Variants in TMEM132B observed in about 807,000 individuals in gnomAD.
TMEM132B encodes transmembrane protein 132B.
TMEM132B carries 18 observed loss-of-function variants against 90.8 expected under a neutral mutation model. That is an observed-to-expected ratio of 0.20 (90% confidence interval 0.14 to 0.29). TMEM132B has a LOEUF of 0.29. TMEM132B is among the 10% of genes least tolerant of loss of function. The pLI, the probability that TMEM132B is intolerant of heterozygous loss-of-function variation, is 1.00. For synonymous variants in TMEM132B, 504 were observed against 523.3 expected (o/e 0.96, Z 0.50); for missense variants, 1,096 against 1,326.8 (o/e 0.83, Z 2.70).
rs1470810657 is a variant in TMEM132B at position 125,458,672 on chromosome 12, C to T, written c.1106+42995C>T. Among the ~76,000 whole-genome samples, 3 of 152,214 alleles carry T rather than the reference C, an allele frequency of 2.0e-5. No individual in the cohort carries two copies. Among genetic ancestry groups the T allele is most frequent in the African/African-American group, 4.8e-5 (2 of 41,462 alleles). On this transcript the variant is annotated intron_variant, in intron 3 of 8. Transcript: ENST00000682704. The surrounding 1 kb of genome is among the most constrained non-coding windows in gnomAD (Gnocchi z 4.9). Reference sequence around the variant, plus strand: ...CGGCCAGCGTCCGTGTCCCCTGCCTCTGAGAATGGCCAGGGCTGGGAAGCC... The same window carrying T: ...CGGCCAGCGTCCGTGTCCCCTGCCTTTGAGAATGGCCAGGGCTGGGAAGCC...
chr12:125,546,712 G>A (rs2345680), intron 4 of TMEM132B, among the ~76,000 whole-genome samples: 32,404 of 152,082 alleles, frequency 0.21, 3,891 homozygotes, highest in Non-Finnish European at 0.28. Flanking sequence ...GTTGCTTCCA[G>A]TTTTTATTAC....
At chr12:125,268,787 A>G (rs1874753584) in intron 1 of TMEM132B, among the ~76,000 whole-genome samples, 1 of 152,316 alleles carries the variant, frequency 6.6e-6, no homozygotes, top group South Asian at 2.1e-4. Context: ...ACCCATTCAA[A>G]ACATAAATAA....
rs1565984032 is a variant in TMEM132B, at chr12:125,251,413, T to C, written c.67+64547T>C. The stretch of plus-strand genomic sequence containing the variant: ...GGCTTAAGATGGAGTCATACTTAGG[T>C]TCAGCTATATGAGCCTTTAAACCAG... On this transcript the variant is annotated intron_variant, in intron 1 of 8. Transcript: ENST00000682704. This position sits in a 1 kb window ranked among gnomAD's most constrained non-coding sequence, Gnocchi z 4.4. Among the ~76,000 whole-genome samples, 1 of 152,166 alleles carries C rather than the reference T, an allele frequency of 6.6e-6. No individual in the cohort carries two copies. The highest frequency in any genetic ancestry group is 1.5e-5 in the Non-Finnish European group (1 of 68,032).
chr12:125,491,260 A>T (rs1882343576), intron 3 of TMEM132B, among the ~76,000 whole-genome samples: 1 of 151,560 alleles, frequency 6.6e-6, no homozygotes, highest in East Asian at 1.9e-4. Flanking sequence ...TATTATTTTT[A>T]AAATTTTACT....
chr12:125,511,842 ACT>A (rs777834234), intron 3 of TMEM132B, among the ~76,000 whole-genome samples: 15 of 133,538 alleles, frequency 1.1e-4, no homozygotes, highest in Non-Finnish European at 7.8e-5. Context: ...ACAGAGCAAG[ACT>A]CTATCTCAAA....
chr12:125,188,703 C>T (rs145775298), intron 1 of TMEM132B, among the ~76,000 whole-genome samples: 3,373 of 152,076 alleles, frequency 0.022, 127 homozygotes, highest in African/African-American at 0.077. Context: ...AGCAGGGCAG[C>T]TCGTTCCGAC....
rs1882602109 is a variant in TMEM132B, at chr12:125,498,005, C to G, written c.1107-21434C>G. ...GAGTTTAGACAAAGCAACCACCATC[C>G]TGACTGTCATCCTTCACCACGCCAA... On this transcript the variant is annotated intron_variant, in intron 3 of 8. Coordinates refer to ENST00000682704, the MANE Select transcript of TMEM132B (RefSeq NM_001366854.1). This position sits in a 1 kb window ranked among gnomAD's most constrained non-coding sequence, Gnocchi z 4.5. 6.6e-6 allele frequency among the ~76,000 whole-genome samples: 1 copy of G among 152,174 alleles called. No individual in the cohort carries two copies. Among genetic ancestry groups the G allele is most frequent in the Non-Finnish European group, 1.5e-5 (1 of 68,020 alleles).
At chr12:125,516,278 T>C (rs542174362) in intron 3 of TMEM132B, among the ~76,000 whole-genome samples, 37 of 152,198 alleles carry the variant, frequency 2.4e-4, no homozygotes, top group Non-Finnish European at 4.1e-4. Context: ...TGAAAGGCGG[T>C]TGTAATTATT....
intron 5 of TMEM132B, among the ~76,000 whole-genome samples, chr12:125,596,073 G>A (rs536058935): frequency 2.0e-5 from 3 of 152,250 alleles, no homozygotes; most frequent in Middle Eastern, 3.4e-3. Context: ...CCAGCCAAGA[G>A]TTACTTGTAC....
At position 125,440,575 on chromosome 12, in the gene TMEM132B, C is replaced by A. The variant is rs142078627; in HGVS notation, c.1106+24898C>A. On this transcript the variant is annotated intron_variant, in intron 3 of 8. Coordinates refer to ENST00000682704, the MANE Select transcript of TMEM132B (RefSeq NM_001366854.1). ...ATGAACTAGTACCTTGCATCTCCCC[C>A]CTGATTAAACAGTTGCTAAGCAAAG... is the stretch of plus-strand genomic sequence containing the variant. Among the ~76,000 whole-genome samples, 10 of 152,256 alleles carry A rather than the reference C, an allele frequency of 6.6e-5. No homozygotes were observed. In the East Asian group the frequency reaches 1.5e-3, roughly 24 times the overall value.
chr12:125,645,324 A>T (rs1391995142), intron 6 of TMEM132B, among the ~76,000 whole-genome samples: 1 of 152,100 alleles, frequency 6.6e-6, no homozygotes, highest in Non-Finnish European at 1.5e-5. Flanking sequence ...AGATGTAACT[A>T]CAATCCCAAA....
intron 4 of TMEM132B, among the ~76,000 whole-genome samples, chr12:125,524,940 G>A (rs1319680773): frequency 1.3e-5 from 2 of 152,124 alleles, no homozygotes; most frequent in Non-Finnish European, 2.9e-5. Flanking sequence ...AGGGGAGGAA[G>A]GAATGTGCTA....
At chr12:125,368,475 G>T (rs143319803) in intron 2 of TMEM132B, among the ~76,000 whole-genome samples, 48 of 152,260 alleles carry the variant, frequency 3.2e-4, no homozygotes, top group African/African-American at 1.1e-3. Flanking sequence ...GTGATATTAT[G>T]TACACATTCC....
At position 125,575,156 on chromosome 12, in the gene TMEM132B, A is replaced by G. The variant is rs201130230; in HGVS notation, c.1294-8695A>G. Among the ~76,000 whole-genome samples, 73 of 144,414 alleles carry G rather than the reference A, an allele frequency of 5.1e-4. No homozygotes were observed. In the East Asian group the frequency reaches 7.3e-3, roughly 15 times the overall value. 94.7% of individuals were successfully genotyped at this position (144,414 alleles called of 152,430 possible). On this transcript the variant is annotated intron_variant, in intron 4 of 8. Transcript: ENST00000682704. ...TTGAGGAAGCACCAAACTTTTCCAC[A>G]GCAGTCACACAATTTTACACCCCAC... is the stretch of plus-strand genomic sequence containing the variant.
chr12:125,297,356 T>G (rs1875697575), intron 1 of TMEM132B, among the ~76,000 whole-genome samples: 1 of 152,166 alleles, frequency 6.6e-6, no homozygotes, highest in African/African-American at 2.4e-5. Flanking sequence ...CTGAGCATTG[T>G]TATTGGCCCA....
intron 3 of TMEM132B, among the ~76,000 whole-genome samples, chr12:125,455,849 G>T (rs1211040483): frequency 6.6e-6 from 1 of 152,156 alleles, no homozygotes; most frequent in East Asian, 1.9e-4. Context: ...TTTACTTACT[G>T]TTGTGGAACT....
At chr12:125,378,399 C>T (rs890311582) in intron 2 of TMEM132B, among the ~76,000 whole-genome samples, 4 of 152,160 alleles carry the variant, frequency 2.6e-5, no homozygotes, top group African/African-American at 9.7e-5. Flanking sequence ...TCAAGCAGGG[C>T]CTTAGTTTTC....
In TMEM132B at chr12:125,244,016, T is replaced by C. The variant is rs141454454; in HGVS notation, c.67+57150T>C. 1.3e-3 allele frequency among the ~76,000 whole-genome samples: 194 copies of C among 152,296 alleles called. 6 individuals are homozygous for C. The East Asian group carries it at 0.027, about 21-fold the overall frequency. ...TTCTTGTCAATGGAATCACACACAA[T>C]GCAGCCTTTGTGTCTGGCTTCTTTC... On this transcript the variant is annotated intron_variant, in intron 1 of 8. Coordinates refer to ENST00000682704, the MANE Select transcript of TMEM132B (RefSeq NM_001366854.1).
intron 5 of TMEM132B, among the ~76,000 whole-genome samples, chr12:125,641,491 T>A (rs1886629880): frequency 1.3e-5 from 2 of 152,224 alleles, no homozygotes; most frequent in Non-Finnish European, 2.9e-5. Context: ...CTGTTTTAAT[T>A]GAATTACTTA....
Sources: allele counts gnomAD v4.1 joint callset (sites outside exome capture counted in the v4.1 genomes callset), GRCh38; gene constraint gnomAD v4.1.1; non-coding constraint Gnocchi (gnomAD v3.1); transcripts MANE v1.5; gene names NCBI Gene and HGNC (gene_info 2026-07-23, HGNC 2026-07-21).